The following CHRNB3 variants were observed in gnomAD, a reference collection of about 807,000 sequenced individuals.
CHRNB3 encodes the protein cholinergic receptor nicotinic beta 3 subunit.
CHRNB3 carries 37 observed loss-of-function variants against 40.6 expected under a neutral mutation model. That is an observed-to-expected ratio of 0.91 (90% CI 0.70 to 1.20). The LOEUF (loss-of-function observed/expected upper bound fraction) is 1.20. CHRNB3 is among the 50% of genes most tolerant of loss of function. The pLI, the probability that CHRNB3 is intolerant of heterozygous loss-of-function variation, is 0.00. For missense variants in CHRNB3, 505 were observed against 551.2 expected (o/e 0.92, Z 0.84); for synonymous variants, 207 against 207.1 (o/e 1.00, Z 0.00).
intron 3 of CHRNB3, among the ~76,000 whole-genome samples, chr8:42,722,480 C>A (rs1281425260): frequency 6.6e-6 from 1 of 152,216 alleles, no homozygotes; most frequent in African/African-American, 2.4e-5. Context: ...TTCCTCATCT[C>A]ATAATTCTCC....
Position 42,732,294 on chromosome 8 carries a change from C to G in CHRNB3, c.987C>G (p.His329Gln), listed in dbSNP as rs1444500265. ...NVHHRSSSTYHPMAPWVKRLF... is the reference protein window; with the variant it reads ...NVHHRSSSTYQPMAPWVKRLF... ...ACCACAGATCTTCTTCCACGTACCA[C>G]CCCATGGCCCCCTGGGTTAAGAGGC... Residue 329 changes from histidine (H) to glutamine (Q), a missense_variant, in exon 5 of 6, where the codon CAC (histidine) becomes CAG (glutamine). Transcript: ENST00000289957. The G allele has an allele frequency of 1.9e-6, 3 of 1,607,000 alleles. No individual in the cohort carries two copies. Among genetic ancestry groups the G allele is most frequent in the Non-Finnish European group, 2.5e-6 (3 of 1,177,992 alleles).
intron 3 of CHRNB3, among the ~76,000 whole-genome samples, chr8:42,717,389 A>AG: frequency 9.6e-6 from 1 of 104,428 alleles, no homozygotes; most frequent in African/African-American, 3.6e-5. Context: ...AAAAAAAAAA[A>AG]AAAAAAAAAA....
rs1197550001 is a variant in CHRNB3, at chr8:42,703,449, T to C, written c.53-5268T>C. Among the ~76,000 whole-genome samples, 6 of 101,292 alleles carry C rather than the reference T, an allele frequency of 5.9e-5. No individual in the cohort carries two copies. The Admixed American group carries it at 6.5e-4, about 11-fold the overall frequency. 66.5% of individuals were successfully genotyped at this position (101,292 alleles called of 152,430 possible). ...AAAAAAAAAAAAATATTTATATATA[T>C]ATATATATATATGTATCCACAATGG... On this transcript the variant is annotated intron_variant, in intron 1 of 5. Transcript: ENST00000289957.
intron 1 of CHRNB3, among the ~76,000 whole-genome samples, 189 bp downstream of exon 1, chr8:42,697,787 T>C (rs1335554680): frequency 2.0e-5 from 3 of 152,188 alleles, no homozygotes; most frequent in Non-Finnish European, 4.4e-5. Context: ...GAAGAAATCA[T>C]ATCTATGATT....
At chr8:42,733,544 C>A (rs1439757654) in intron 5 of CHRNB3, among the ~76,000 whole-genome samples, 9 of 150,464 alleles carry the variant, frequency 6.0e-5, no homozygotes, top group African/African-American at 2.2e-4. Flanking sequence ...TATAAGCAGT[C>A]AACAAGTGTG....
chr8:42,723,259 T>A (rs1439338564), intron 3 of CHRNB3, among the ~76,000 whole-genome samples: 1 of 152,176 alleles, frequency 6.6e-6, no homozygotes, highest in African/African-American at 2.4e-5. Flanking sequence ...AACAGATATT[T>A]CACTGTATTT....
chr8:42,726,282 C>A, intron 3 of CHRNB3: 2 of 610,552 alleles, frequency 3.3e-6, no homozygotes, highest in Non-Finnish European at 5.8e-6. Flanking sequence ...GAAAAGCAGT[C>A]AAAGTTATTC....
At position 42,731,654 on chromosome 8, in the gene CHRNB3, G is replaced by T. The variant is rs192543287; in HGVS notation, c.360-13G>T. 1.9e-4 allele frequency: 303 copies of T among 1,584,244 alleles called. 2 individuals are homozygous for T. The African/African-American group carries it at 3.7e-3, about 19-fold the overall frequency. On this transcript the variant is annotated splice_polypyrimidine_tract_variant and intron_variant, in intron 4 of 5. Transcript: ENST00000289957. ...CTCCACCGACTGCTAAGGTGAAACT[G>T]CTTTGATTGCAGTGCTGACGGCCGC...
chr8:42,706,395 T>C (rs1180194753), intron 1 of CHRNB3, among the ~76,000 whole-genome samples: 2 of 152,054 alleles, frequency 1.3e-5, no homozygotes, highest in East Asian at 1.9e-4. Context: ...ACTGACATAA[T>C]CCTCTAGCTG....
chr8:42,707,316 C>A (rs1815937079), intron 1 of CHRNB3, among the ~76,000 whole-genome samples: 1 of 152,166 alleles, frequency 6.6e-6, no homozygotes, highest in Admixed American at 6.5e-5. Flanking sequence ...TTTGAGTGGG[C>A]AAACCTGGAG....
intron 3 of CHRNB3, among the ~76,000 whole-genome samples, chr8:42,729,020 A>G (rs909509686): frequency 6.6e-6 from 1 of 151,910 alleles, no homozygotes; most frequent in Non-Finnish European, 1.5e-5. Context: ...GGAGGAAGAA[A>G]AAAAGAGAAG....
chr8:42,724,908 G>A (rs867514425), intron 3 of CHRNB3, among the ~76,000 whole-genome samples: 12 of 150,570 alleles, frequency 8.0e-5, no homozygotes, highest in East Asian at 8.0e-4. Flanking sequence ...GCTTGAACCC[G>A]GGAGGCGGAG....
intron 1 of CHRNB3, among the ~76,000 whole-genome samples, chr8:42,703,427 A>ATATATATATATATATAT (rs1815855622): frequency 8.4e-5 from 3 of 35,858 alleles, no homozygotes; most frequent in African/African-American, 1.7e-4. Context: ...TCGTCTAAAA[A>ATATATATATATATATAT]AAAAAAAAAT....
chr8:42,703,436 AT>A lies in CHRNB3; in HGVS notation c.53-5280del, dbSNP rs1218772390. Among the ~76,000 whole-genome samples, 107 of 43,426 alleles carry A rather than the reference AT, an allele frequency of 2.5e-3. 11 individuals carry two copies. The highest frequency in any genetic ancestry group is 3.4e-3 in the Non-Finnish European group (70 of 20,628). 28.5% of individuals were successfully genotyped at this position (43,426 alleles called of 152,430 possible). On this transcript the variant is annotated intron_variant, in intron 1 of 5. Coordinates refer to ENST00000289957, the MANE Select transcript of CHRNB3 (RefSeq NM_000749.5). ...AAGACTTCGTCTAAAAAAAAAAAAAATATTTATATATATATATATATATATG... is the reference window on the plus strand; with the variant it reads ...AAGACTTCGTCTAAAAAAAAAAAAAAATTTATATATATATATATATATATG...
At chr8:42,710,332 A>G (rs1815993302) in intron 2 of CHRNB3, 58 bp from the exon 3 acceptor site, 1 of 1,370,294 alleles carries the variant, frequency 7.3e-7, no homozygotes, top group South Asian at 1.2e-5. Flanking sequence ...ACAACAACAA[A>G]AATCACAACT....
chr8:42,732,545 G>C lies in CHRNB3; in HGVS notation c.1238G>C (p.Ser413Thr). The C allele has an allele frequency of 6.3e-7, 1 of 1,586,786 alleles. No individual in the cohort carries two copies. Among genetic ancestry groups the C allele is most frequent in the Non-Finnish European group, 8.6e-7 (1 of 1,169,388 alleles). ...CATGTGAAGAAAGAACATTTTATCAGCCAGGTGAGTAAACTGGTATTCCTG... is the reference window on the plus strand; with the variant it reads ...CATGTGAAGAAAGAACATTTTATCACCCAGGTGAGTAAACTGGTATTCCTG... The part of the protein sequence containing the change: ...SRHVKKEHFI[S>T]QVVQDWKFVA... Residue 413 changes from serine (S) to threonine (T), a missense_variant, in exon 5 of 6, where the codon AGC (serine) becomes ACC (threonine). Ser to Thr is a moderately conservative substitution (Grantham distance 58). Coordinates refer to ENST00000289957, the MANE Select transcript of CHRNB3 (RefSeq NM_000749.5).
Position 42,732,171 on chromosome 8 carries a change from G to A in CHRNB3, c.864G>A (p.Ser288=), listed in dbSNP as rs774382733. The change falls in exon 5 of 6, where the codon TCG becomes TCA. Residue 288 remains serine (S), a synonymous_variant. Transcript: ENST00000289957. ...TAGTGATTGAAGAAATCATCCCATC[G>A]TCTTCCAAAGTCATTCCTCTCATTG... ...FLLVIEEIIP[S]SSKVIPLIGE... is the part of the protein sequence containing the mutation. The A allele has an allele frequency of 1.9e-6, 3 of 1,609,174 alleles. No homozygotes were observed. Among genetic ancestry groups the A allele is most frequent in the Admixed American group, 1.7e-5 (1 of 58,956 alleles).
In CHRNB3 at chr8:42,732,363, T is replaced by C. The variant is rs1452494647; in HGVS notation, c.1056T>C (p.His352=). The part of the protein sequence containing the change: ...KLPKLLCMKD[H]VDRYSSPEKE... ...CAAAATTACTTTGCATGAAAGATCA[T>C]GTGGATCGCTACTCATCCCCAGAGA... The change falls in exon 5 of 6, where the codon CAT becomes CAC. Residue 352 remains histidine, a synonymous_variant. Transcript: ENST00000289957. The C allele has an allele frequency of 6.2e-7, 1 of 1,610,586 alleles. No homozygotes were observed. The highest frequency in any genetic ancestry group is 1.3e-5 in the African/African-American group (1 of 74,592).
At chr8:42,731,235 A>C (rs1443285914) in intron 4 of CHRNB3, among the ~76,000 whole-genome samples, 1 of 152,080 alleles carries the variant, frequency 6.6e-6, no homozygotes, top group South Asian at 2.1e-4. Flanking sequence ...GTTTATTAAA[A>C]CAGTTACCTG....
Sources: allele counts gnomAD v4.1 joint callset (sites outside exome capture counted in the v4.1 genomes callset), GRCh38; gene constraint gnomAD v4.1.1; transcripts MANE v1.5; gene names NCBI Gene and HGNC (gene_info 2026-07-23, HGNC 2026-07-21).